Variants in MAOA observed in about 807,000 individuals in gnomAD.
MAOA encodes the protein monoamine oxidase A.
A neutral mutation model predicts 42.0 loss-of-function variants in MAOA; 6 were observed. That is an observed-to-expected ratio of 0.14 (90% confidence interval 0.08 to 0.28). MAOA has a LOEUF of 0.28. Ranked by LOEUF, MAOA falls within the 10% of genes least tolerant of loss-of-function variation. The probability of loss-of-function intolerance (pLI) is 1.00; values close to 1 mark genes in which losing one functional copy is unlikely to be tolerated. For missense variants in MAOA, 262 were observed against 422.3 expected (o/e 0.62, Z 3.33); for synonymous variants, 140 against 154.0 (o/e 0.91, Z 0.67).
intron 3 of MAOA, among the ~76,000 whole-genome samples, chrX:43,698,102 T>C (rs1470856066): frequency 8.9e-6 from 1 of 112,285 alleles, no homozygotes; most frequent in Admixed American, 9.4e-5. Flanking sequence ...TAAATAACAC[T>C]GAAGTGAAAA....
intron 2 of MAOA, among the ~76,000 whole-genome samples, chrX:43,687,301 C>A (rs1480037257): frequency 1.8e-5 from 2 of 112,196 alleles, no homozygotes; most frequent in Non-Finnish European, 3.8e-5. Flanking sequence ...AAATGCCTCA[C>A]TCTTTTTACT....
At chrX:43,690,325 A>G (rs1477489635) in intron 2 of MAOA, among the ~76,000 whole-genome samples, 1 of 110,198 alleles carries the variant, frequency 9.1e-6, no homozygotes, top group Non-Finnish European at 1.9e-5. Flanking sequence ...TAATCCATTC[A>G]CGGAGTTTTA....
intron 1 of MAOA, among the ~76,000 whole-genome samples, chrX:43,662,729 G>C (rs2033245451): frequency 9.0e-6 from 1 of 110,869 alleles, no homozygotes; most frequent in African/African-American, 3.3e-5. Flanking sequence ...CCAGCCCTGT[G>C]ATTTAGAAAG....
Position 43,731,739 on chromosome X carries a change from A to G in MAOA, c.841A>G (p.Ile281Val). The G allele has an allele frequency of 8.3e-7, 1 of 1,211,443 alleles. No homozygotes were observed. The highest frequency in any genetic ancestry group is 1.8e-5 in the South Asian group (1 of 57,008). ...NAIPPTLTAK[I>V]HFRPELPAER... ...GATCCCTCCGACCTTGACTGCCAAG[A>G]TTCACTTCAGACCAGAGCTTCCAGC... is the stretch of plus-strand genomic sequence containing the variant. Residue 281 changes from isoleucine (I) to valine (V), a missense_variant, in exon 8 of 15, where the codon ATT (isoleucine) becomes GTT (valine). Physicochemically the swap from Ile to Val is conservative, Grantham distance 29. Coordinates refer to ENST00000338702, the MANE Select transcript of MAOA (RefSeq NM_000240.4).
intron 5 of MAOA, among the ~76,000 whole-genome samples, chrX:43,726,352 T>C (rs760960519): frequency 3.1e-4 from 35 of 112,146 alleles, no homozygotes; most frequent in East Asian, 3.1e-3. Flanking sequence ...CCCGTATTTC[T>C]TGGAGGCTTT....
intron 3 of MAOA, among the ~76,000 whole-genome samples, chrX:43,700,769 G>C (rs1349340774): frequency 8.9e-6 from 1 of 112,368 alleles, no homozygotes; most frequent in African/African-American, 3.2e-5. Flanking sequence ...TATGGCCCAA[G>C]TATTGGCCAG....
At chrX:43,661,965 G>A (rs992972516) in intron 1 of MAOA, among the ~76,000 whole-genome samples, 8 of 111,580 alleles carry the variant, frequency 7.2e-5, no homozygotes, top group African/African-American at 2.6e-4. Flanking sequence ...AGACAGAAAA[G>A]CCATTTTGCA....
At chrX:43,712,819 A>G in intron 5 of MAOA, 23 bp downstream of exon 5, 1 of 1,090,777 alleles carries the variant, frequency 9.2e-7, no homozygotes, top group Non-Finnish European at 1.3e-6. Flanking sequence ...GACCATTCAA[A>G]ATTTACTTTT....
chrX:43,673,340 A>G (rs1170408816), intron 1 of MAOA, among the ~76,000 whole-genome samples: 3 of 107,338 alleles, frequency 2.8e-5, no homozygotes, highest in Admixed American at 9.9e-5. Flanking sequence ...TTTTTTCTTT[A>G]TTAGCCTTGC....
intron 8 of MAOA, among the ~76,000 whole-genome samples, chrX:43,732,475 C>A (rs2033889443): frequency 9.0e-6 from 1 of 110,951 alleles, no homozygotes; most frequent in Non-Finnish European, 1.9e-5. Flanking sequence ...GGTCATAAGC[C>A]CTTTATGTAA....
intron 1 of MAOA, among the ~76,000 whole-genome samples, chrX:43,659,190 A>T (rs1268039974): frequency 8.9e-6 from 1 of 111,937 alleles, no homozygotes; most frequent in East Asian, 2.8e-4. Flanking sequence ...ATCTGGATGT[A>T]TCTCCTTTTT....
At chrX:43,678,956 T>A (rs776144922) in intron 1 of MAOA, among the ~76,000 whole-genome samples, 3 of 111,840 alleles carry the variant, frequency 2.7e-5, no homozygotes, top group African/African-American at 9.7e-5. Context: ...AACTGAAACA[T>A]TAGCACCCAT....
At chrX:43,718,859 A>C (rs981385607) in intron 5 of MAOA, among the ~76,000 whole-genome samples, 6 of 110,237 alleles carry the variant, frequency 5.4e-5, no homozygotes, top group African/African-American at 3.3e-5. Flanking sequence ...TAGTGACCCA[A>C]AGGGTTGGGA....
At chrX:43,702,446 A>G (rs2033631358) in intron 3 of MAOA, among the ~76,000 whole-genome samples, 1 of 112,314 alleles carries the variant, frequency 8.9e-6, no homozygotes, top group African/African-American at 3.2e-5. Flanking sequence ...ACAGAGCTTC[A>G]AACTGAAAAG....
At position 43,703,286 on chromosome X, in the gene MAOA, C is replaced by T. The variant is rs909803610; in HGVS notation, c.307-8586C>T. ...TGCACTCACTTAACAGCTTAGCTGA[C>T]AAGAAGTTCTGCTTTGCCCTTTGCC... On this transcript the variant is annotated intron_variant, in intron 3 of 14. Coordinates refer to ENST00000338702, the MANE Select transcript of MAOA (RefSeq NM_000240.4). Among the ~76,000 whole-genome samples, 5 of 111,712 alleles carry T rather than the reference C, an allele frequency of 4.5e-5. No homozygotes were observed. The South Asian group carries it at 1.9e-3, about 42-fold the overall frequency.
At chrX:43,682,750 A>G (rs1345367152) in intron 1 of MAOA, among the ~76,000 whole-genome samples, 2 of 112,015 alleles carry the variant, frequency 1.8e-5, no homozygotes, top group Non-Finnish European at 3.8e-5. Context: ...GAAAAACTTG[A>G]CAAACACCAC....
At chrX:43,669,330 A>G (rs1462735439) in intron 1 of MAOA, among the ~76,000 whole-genome samples, 1 of 110,098 alleles carries the variant, frequency 9.1e-6, no homozygotes, top group African/African-American at 3.3e-5. Context: ...AGGCAAGAGA[A>G]TTACTTAAAC....
chrX:43,741,429 C>T (rs769180396), intron 11 of MAOA, among the ~76,000 whole-genome samples: 39 of 111,946 alleles, frequency 3.5e-4, no homozygotes, highest in African/African-American at 4.9e-4. Context: ...TCTTAATTGC[C>T]GCTTTTTCGT....
intron 5 of MAOA, among the ~76,000 whole-genome samples, chrX:43,717,363 G>A (rs969763632): frequency 2.7e-5 from 3 of 111,244 alleles, no homozygotes; most frequent in African/African-American, 9.8e-5. Flanking sequence ...AAAGGTGGAT[G>A]TTATCATTCA....
Sources: gnomAD v4.1 joint callset for allele counts (sites outside exome capture counted in the v4.1 genomes callset) on GRCh38, gnomAD v4.1.1 for gene constraint, MANE v1.5 for transcripts, NCBI Gene and HGNC (gene_info 2026-07-23, HGNC 2026-07-21) for gene names.